Variants in WAC observed in about 807,000 individuals in gnomAD.
WAC encodes WW domain-containing adapter protein with coiled-coil.
Under a neutral mutation model 79.6 loss-of-function variants are expected in WAC, and 11 were observed. The observed-to-expected ratio is 0.14, with a 90% CI of 0.09 to 0.23. The LOEUF is 0.23. Ranked by LOEUF, WAC falls within the 10% of genes least tolerant of loss-of-function variation. The probability of loss-of-function intolerance (pLI) is 1.00; values close to 1 mark genes in which losing one functional copy is unlikely to be tolerated. For synonymous variants in WAC, 304 were observed against 276.9 expected (o/e 1.10, Z -0.97); for missense variants, 728 against 773.5 (o/e 0.94, Z 0.70).
intron 3 of WAC, among the ~76,000 whole-genome samples, chr10:28,566,965 T>TC (rs397828884): frequency 6.6e-6 from 1 of 151,626 alleles, no homozygotes; most frequent in Non-Finnish European, 1.5e-5. Context: ...TTTTTTTTTT[T>TC]CAGGACCTTC....
In WAC at chr10:28,614,263, G is replaced by A. The variant is rs372920710; in HGVS notation, c.1438-304G>A. On this transcript the variant is annotated intron_variant, in intron 10 of 13. Transcript: ENST00000354911. ...TGGGACTACAGGCGCCCGCCACTGC[G>A]CCCGGCTAATTTTTTGTATTTTTAG... Among the ~76,000 whole-genome samples the A allele has an allele frequency of 6.0e-3, 919 of 152,084 alleles. 13 individuals are homozygous for A. The highest frequency in any genetic ancestry group is 0.021 in the African/African-American group (862 of 41,520).
chr10:28,565,397 G>A (rs1838546725), intron 3 of WAC, among the ~76,000 whole-genome samples: 1 of 152,090 alleles, frequency 6.6e-6, no homozygotes, highest in Non-Finnish European at 1.5e-5. Flanking sequence ...TAAAGAGATA[G>A]GGTCTTGTTC....
intron 6 of WAC, 100 bp from the exon 7 acceptor site, chr10:28,595,633 T>C: frequency 8.5e-7 from 1 of 1,175,274 alleles, no homozygotes; most frequent in Non-Finnish European, 1.2e-6. Flanking sequence ...TACAAGTATG[T>C]TGCTAAATTA....
intron 7 of WAC, among the ~76,000 whole-genome samples, chr10:28,607,371 A>C (rs1448432820): frequency 6.6e-6 from 1 of 152,164 alleles, no homozygotes; most frequent in Non-Finnish European, 1.5e-5. Flanking sequence ...TGGAATCTTC[A>C]GGATTTATGT....
rs766637309 is a variant in WAC, at chr10:28,608,164, G to A, written c.920-22G>A. ...TTTTCTCTATTCAGGTAATTTTTCA[G>A]GCTGATTATCTTTTTATTTAGAATC... On this transcript the variant is annotated intron_variant, in intron 7 of 13. Transcript: ENST00000354911. 26 of 1,611,298 alleles carry A rather than the reference G, an allele frequency of 1.6e-5. No homozygotes were observed. The African/African-American group carries it at 3.5e-4, about 22-fold the overall frequency.
chr10:28,540,415 T>C (rs1039308297), intron 3 of WAC, among the ~76,000 whole-genome samples: 2 of 152,232 alleles, frequency 1.3e-5, no homozygotes, highest in Admixed American at 1.3e-4. Context: ...ATCCTGCTAA[T>C]ATCTTCACCC....
chr10:28,592,636 A>G (rs945853689), intron 6 of WAC, among the ~76,000 whole-genome samples: 2 of 152,182 alleles, frequency 1.3e-5, no homozygotes, highest in Admixed American at 6.5e-5. Flanking sequence ...AAAAGAAAAA[A>G]GAAAATGAGT....
Position 28,622,556 on chromosome 10 carries a change from C to G in WAC, c.*2950C>G, listed in dbSNP as rs1841731990. 1 of 151,660 alleles carries G rather than the reference C, an allele frequency of 6.6e-6. No individual in the cohort carries two copies. The highest frequency in any genetic ancestry group is 2.4e-5 in the African/African-American group (1 of 41,274). The allele number at this position is 151,660 out of a possible 1,614,324, so 9.4% of individuals were successfully genotyped here. ...CCCCTGAAGAACCAGCTTTCCTACG[C>G]TTTTTATTTTTCTAACTTGTCTAAC... On this transcript the variant is annotated 3_prime_UTR_variant, in exon 14 of 14. Transcript: ENST00000354911.
intron 7 of WAC, 125 bp from the exon 8 acceptor site, chr10:28,608,061 C>A: frequency 1.0e-6 from 1 of 995,492 alleles, no homozygotes; most frequent in South Asian, 1.6e-5. Context: ...CTGTGTGCTC[C>A]AGTGTGTAAG....
At chr10:28,535,284 T>C (rs1178791206) in intron 2 of WAC, 3 of 258,928 alleles carry the variant, frequency 1.2e-5, no homozygotes, top group Admixed American at 5.3e-5. Flanking sequence ...CCAAATTTTT[T>C]TATTTTTTGC....
intron 3 of WAC, among the ~76,000 whole-genome samples, chr10:28,562,118 C>T (rs888862283): frequency 2.6e-5 from 4 of 152,112 alleles, no homozygotes; most frequent in African/African-American, 4.8e-5. Context: ...AGTGCAGTGG[C>T]GCCATCTTGG....
intron 3 of WAC, among the ~76,000 whole-genome samples, chr10:28,554,680 C>A (rs931922132): frequency 6.6e-6 from 1 of 152,172 alleles, no homozygotes; most frequent in Non-Finnish European, 1.5e-5. Flanking sequence ...AGCACACTTG[C>A]TTGTTCTTTT....
intron 5 of WAC, among the ~76,000 whole-genome samples, chr10:28,590,311 CAAA>C (rs34562281): frequency 0.52 from 53,450 of 103,132 alleles, 11,935 homozygotes; most frequent in South Asian, 0.63. Context: ...GATGCTATCT[CAAA>C]AAAAAAAAAA....
chr10:28,583,400 G>A lies in WAC; in HGVS notation c.276G>A (p.Gly92=), dbSNP rs769296739. The change falls in exon 4 of 14, where the codon GGG becomes GGA. Residue 92 remains glycine (G), a splice_region_variant and synonymous_variant. Coordinates refer to ENST00000354911, the MANE Select transcript of WAC (RefSeq NM_016628.5). ...CACTTTGTTCTTTATTTTTTTAAGG[G>A]ACCAGTTACTCTCCACAAGAAAATT... ...HTHRVRERDG[G]TSYSPQENSH... is the part of the protein sequence containing the mutation. 8 of 1,568,240 alleles carry A rather than the reference G, an allele frequency of 5.1e-6. No homozygotes were observed. The highest frequency in any genetic ancestry group is 4.0e-5 in the Admixed American group (2 of 49,590).
intron 4 of WAC, among the ~76,000 whole-genome samples, chr10:28,585,400 A>G (rs1839765787): frequency 6.6e-6 from 1 of 152,172 alleles, no homozygotes; most frequent in Non-Finnish European, 1.5e-5. Context: ...ATCTGGCTAA[A>G]TAGAGAGTAA....
chr10:28,539,379 T>A (rs769236142), intron 3 of WAC, among the ~76,000 whole-genome samples: 3 of 152,210 alleles, frequency 2.0e-5, no homozygotes, highest in Non-Finnish European at 4.4e-5. Context: ...AGAGATTTTA[T>A]CCATTAGGAT....
chr10:28,548,746 C>G (rs1176050513), intron 3 of WAC, among the ~76,000 whole-genome samples: 1 of 152,084 alleles, frequency 6.6e-6, no homozygotes, highest in African/African-American at 2.4e-5. Context: ...GAATACGAGA[C>G]TAGGTCAACT....
chr10:28,536,031 C>T (rs1401227225), intron 3 of WAC: 1 of 204,558 alleles, frequency 4.9e-6, no homozygotes, highest in Non-Finnish European at 9.8e-6. Flanking sequence ...CACCTGAGGT[C>T]AGGAGTTCAA....
chr10:28,599,155 G>A (rs897323755), intron 7 of WAC, among the ~76,000 whole-genome samples: 1 of 152,096 alleles, frequency 6.6e-6, no homozygotes, highest in Non-Finnish European at 1.5e-5. Flanking sequence ...CTCATCAGTA[G>A]ATGATTAAAA....
Sources: gnomAD v4.1 joint callset for allele counts (sites outside exome capture counted in the v4.1 genomes callset) on GRCh38, gnomAD v4.1.1 for gene constraint, MANE v1.5 for transcripts, NCBI Gene and HGNC (gene_info 2026-07-23, HGNC 2026-07-21) for gene names.